SGCZ: variants seen among roughly 807,000 people sequenced by gnomAD.
SGCZ encodes sarcoglycan zeta, also known as zeta-sarcoglycan.
Under a neutral mutation model 41.3 loss-of-function variants are expected in SGCZ, and 40 were observed. The ratio of observed to expected loss-of-function variants is 0.97; its 90% confidence interval spans 0.75 to 1.26. The LOEUF (loss-of-function observed/expected upper bound fraction) is 1.26, where lower values mean the gene tolerates loss of function less well. Ranked by LOEUF, SGCZ falls within the 50% of genes most tolerant of loss-of-function variation. The pLI is 0.00. For synonymous variants in SGCZ, 206 were observed against 137.5 expected (o/e 1.50, Z -3.49); for missense variants, 552 against 369.8 (o/e 1.49, Z -4.04).
chr8:15,113,109 T>C (rs896823189), intron 1 of SGCZ, among the ~76,000 whole-genome samples: 5 of 150,694 alleles, frequency 3.3e-5, no homozygotes, highest in Non-Finnish European at 7.4e-5. Flanking sequence ...CTCAGGAGAC[T>C]GAGGTGGGAG....
chr8:14,146,736 G>A (rs913258190), intron 5 of SGCZ, among the ~76,000 whole-genome samples: 1 of 148,944 alleles, frequency 6.7e-6, no homozygotes, highest in East Asian at 2.0e-4. Flanking sequence ...GCCGGGCGTA[G>A]TGGCGGGCGC....
At chr8:15,069,059 G>C (rs1805258606) in intron 1 of SGCZ, among the ~76,000 whole-genome samples, 1 of 152,186 alleles carries the variant, frequency 6.6e-6, no homozygotes, top group Admixed American at 6.5e-5. Context: ...AGTATTGGCT[G>C]ACAGACGGCA....
intron 2 of SGCZ, among the ~76,000 whole-genome samples, chr8:14,326,032 A>C (rs867561351): frequency 1.9e-4 from 27 of 143,200 alleles, no homozygotes; most frequent in African/African-American, 6.9e-4. Context: ...GAATGGCACG[A>C]ACCCGGGAGG....
At chr8:14,382,146 G>A (rs978346541) in intron 2 of SGCZ, among the ~76,000 whole-genome samples, 1 of 134,904 alleles carries the variant, frequency 7.4e-6, no homozygotes, top group African/African-American at 2.9e-5. Context: ...TACTGTTTGT[G>A]GAACAAATTT....
intron 3 of SGCZ, among the ~76,000 whole-genome samples, chr8:14,290,863 C>G (rs1204503512): frequency 6.6e-6 from 1 of 152,092 alleles, no homozygotes; most frequent in African/African-American, 2.4e-5. Context: ...GAAAAGAAAT[C>G]AGTATGTTGA....
intron 2 of SGCZ, among the ~76,000 whole-genome samples, chr8:14,360,485 C>A (rs893772344): frequency 6.6e-6 from 1 of 152,086 alleles, no homozygotes; most frequent in African/African-American, 2.4e-5. Flanking sequence ...ATCACCACAC[C>A]CAGCTAATTT....
intron 2 of SGCZ, among the ~76,000 whole-genome samples, chr8:14,446,731 G>A (rs1353189766): frequency 6.6e-6 from 1 of 152,046 alleles, no homozygotes; most frequent in Non-Finnish European, 1.5e-5. Context: ...TTTGCATTGT[G>A]CTGATTCAGA....
chr8:14,869,775 G>C (rs1483444301), intron 1 of SGCZ, among the ~76,000 whole-genome samples: 2 of 152,114 alleles, frequency 1.3e-5, no homozygotes, highest in Non-Finnish European at 2.9e-5. Flanking sequence ...AAAATCACAA[G>C]AATTCCTATA....
rs1016284873 is a variant in SGCZ at position 14,098,633 on chromosome 8, C to T, written c.744+3743G>A. On this transcript the variant is annotated intron_variant, in intron 7 of 7. Transcript: ENST00000382080. ...TCTGAGACTGTGGTGTTTAAGTCTA[C>T]AGGCTGGGAGTTGAGTTCACCTTGA... Among the ~76,000 whole-genome samples the T allele has an allele frequency of 1.1e-4, 17 of 152,176 alleles. 3 individuals are homozygous for T. Among genetic ancestry groups the T allele is most frequent in the Admixed American group, 1.0e-3 (16 of 15,274 alleles).
chr8:14,156,653 T>A (rs1803884917), intron 5 of SGCZ, among the ~76,000 whole-genome samples: 1 of 152,184 alleles, frequency 6.6e-6, no homozygotes, highest in Non-Finnish European at 1.5e-5. Context: ...AATAATATTA[T>A]TCAAAACTAT....
At chr8:15,228,431 T>C (rs912811487) in intron 1 of SGCZ, among the ~76,000 whole-genome samples, 1 of 152,204 alleles carries the variant, frequency 6.6e-6, no homozygotes, top group Admixed American at 6.5e-5. Flanking sequence ...TTAAGAAACT[T>C]GATGAGATGA....
rs1381787508 is a variant in SGCZ at position 14,568,998 on chromosome 8, T to C, written c.40-14072A>G. Among the ~76,000 whole-genome samples the C allele has an allele frequency of 2.0e-5, 3 of 152,198 alleles. No individual in the cohort carries two copies. The East Asian group carries it at 5.8e-4, about 29-fold the overall frequency. Reference sequence around the variant, plus strand: ...TTTTTTATTTGGAAATTGGAAAAGCTGTACCTGTTTCTTATCATGTATTGT... The same window carrying C: ...TTTTTTATTTGGAAATTGGAAAAGCCGTACCTGTTTCTTATCATGTATTGT... On this transcript the variant is annotated intron_variant, in intron 1 of 7. Transcript: ENST00000382080.
chr8:14,553,025 TAAA>T (rs1455743153), intron 2 of SGCZ, among the ~76,000 whole-genome samples: 1 of 151,932 alleles, frequency 6.6e-6, no homozygotes, highest in Non-Finnish European at 1.5e-5. Flanking sequence ...TAATTTTAGT[TAAA>T]AAATGAGGCT....
chr8:14,494,149 GTAAT>G (rs1181819885), intron 2 of SGCZ, among the ~76,000 whole-genome samples: 2 of 152,122 alleles, frequency 1.3e-5, no homozygotes, highest in Non-Finnish European at 2.9e-5. Flanking sequence ...TATGAAAAAA[GTAAT>G]TAATCTGATA....
intron 1 of SGCZ, among the ~76,000 whole-genome samples, chr8:15,022,718 T>TAG (rs1377061528): frequency 6.6e-6 from 1 of 152,184 alleles, no homozygotes; most frequent in Non-Finnish European, 1.5e-5. Context: ...TGCAATTCTA[T>TAG]AGAGACAAAA....
chr8:15,093,817 C>T (rs1275628073), intron 1 of SGCZ, among the ~76,000 whole-genome samples: 1 of 152,126 alleles, frequency 6.6e-6, no homozygotes, highest in Non-Finnish European at 1.5e-5. Context: ...ATAATCGGAC[C>T]ATTAAACAAT....
At chr8:14,963,332 TTTC>T (rs1801024693) in intron 1 of SGCZ, among the ~76,000 whole-genome samples, 2 of 127,760 alleles carry the variant, frequency 1.6e-5, no homozygotes, top group South Asian at 5.2e-4. Flanking sequence ...TCATTTTCTT[TTTC>T]TTCTTTTTTT....
At chr8:14,920,442 G>A (rs1203739395) in intron 1 of SGCZ, among the ~76,000 whole-genome samples, 1 of 152,138 alleles carries the variant, frequency 6.6e-6, no homozygotes, top group Non-Finnish European at 1.5e-5. Flanking sequence ...CATTTAAAGG[G>A]ACGAAATGTT....
chr8:14,360,786 A>C (rs1227962905), intron 2 of SGCZ, among the ~76,000 whole-genome samples: 1 of 152,084 alleles, frequency 6.6e-6, no homozygotes, highest in African/African-American at 2.4e-5. Context: ...TTCCTGTGGG[A>C]ACATTATTTA....
Sources: allele counts gnomAD v4.1 joint callset (sites outside exome capture counted in the v4.1 genomes callset), GRCh38; gene constraint gnomAD v4.1.1; transcripts MANE v1.5; gene names NCBI Gene and HGNC (gene_info 2026-07-23, HGNC 2026-07-21).